KCND3: variants seen among roughly 807,000 people sequenced by gnomAD.
The protein encoded by KCND3 is A-type voltage-gated potassium channel KCND3.
A neutral mutation model predicts 51.1 loss-of-function variants in KCND3; 9 were observed. The observed-to-expected ratio is 0.18, with a 90% CI of 0.11 to 0.31. The LOEUF is 0.31. KCND3 is among the 10% of genes least tolerant of loss of function. The pLI, the probability that KCND3 is intolerant of heterozygous loss-of-function variation, is 1.00. For missense variants in KCND3, 526 were observed against 903.8 expected (o/e 0.58, Z 5.36); for synonymous variants, 349 against 368.0 (o/e 0.95, Z 0.59).
chr1:111,917,392 G>A (rs1571847557), intron 2 of KCND3, among the ~76,000 whole-genome samples: 1 of 152,344 alleles, frequency 6.6e-6, no homozygotes, highest in South Asian at 2.1e-4. Flanking sequence ...TGCACTGCAA[G>A]TATGTGGAGT....
intron 2 of KCND3, among the ~76,000 whole-genome samples, chr1:111,880,340 T>TGACAACTGCTGCTGGAGGAGG (rs1199425761): frequency 6.6e-6 from 1 of 152,168 alleles, no homozygotes. Context: ...GGTTATAAAC[T>TGACAACTGCTGCTGGAGGAGG]GACAACTGCT....
chr1:111,891,341 C>T (rs779380936), intron 2 of KCND3, among the ~76,000 whole-genome samples: 1 of 152,070 alleles, frequency 6.6e-6, no homozygotes, highest in Non-Finnish European at 1.5e-5. Flanking sequence ...AGTCTGTTTG[C>T]AGGGAAGTAG....
chr1:111,826,914 T>G (rs1308288464), intron 2 of KCND3, among the ~76,000 whole-genome samples: 1 of 152,194 alleles, frequency 6.6e-6, no homozygotes, highest in Non-Finnish European at 1.5e-5. Flanking sequence ...TCCAAAAGGC[T>G]TGGGACCAGA....
chr1:111,830,957 T>TA (rs1322896802), intron 2 of KCND3, among the ~76,000 whole-genome samples: 3 of 152,236 alleles, frequency 2.0e-5, no homozygotes, highest in Admixed American at 2.0e-4. Context: ...ACTGCTTTGT[T>TA]AAACTAGACA....
At chr1:111,899,626 A>G (rs565839442) in intron 2 of KCND3, among the ~76,000 whole-genome samples, 32 of 152,236 alleles carry the variant, frequency 2.1e-4, no homozygotes, top group Admixed American at 2.0e-4. Flanking sequence ...ACTCTAGACC[A>G]CCCCTTAAAA....
At chr1:111,954,372 C>T (rs939170581) in intron 2 of KCND3, among the ~76,000 whole-genome samples, 50 of 152,196 alleles carry the variant, frequency 3.3e-4, no homozygotes, top group African/African-American at 1.1e-3. Flanking sequence ...GGATAGGAGA[C>T]ACCCAACTCT....
At chr1:111,855,537 TC>T in intron 2 of KCND3, among the ~76,000 whole-genome samples, 1 of 152,322 alleles carries the variant, frequency 6.6e-6, no homozygotes, top group Admixed American at 6.5e-5. Context: ...GAGGGGATCT[TC>T]CGATAGCAAG....
chr1:111,823,348 C>CA (rs1666431599), intron 2 of KCND3, among the ~76,000 whole-genome samples: 2 of 152,108 alleles, frequency 1.3e-5, no homozygotes, highest in Admixed American at 1.3e-4. Flanking sequence ...CCAAAGCCCT[C>CA]ACGGGCCCTC....
intron 2 of KCND3, among the ~76,000 whole-genome samples, chr1:111,901,651 G>T (rs1456968832): frequency 6.6e-6 from 1 of 152,206 alleles, no homozygotes; most frequent in East Asian, 1.9e-4. Flanking sequence ...CACCTCTGTA[G>T]GCGGTGGGGA....
intron 2 of KCND3, among the ~76,000 whole-genome samples, chr1:111,830,175 A>G (rs1478133454): frequency 1.3e-5 from 2 of 152,218 alleles, no homozygotes. Context: ...TGCCCAGCAC[A>G]CAATAGGAGC....
intron 2 of KCND3, among the ~76,000 whole-genome samples, chr1:111,918,537 C>T (rs1671332803): frequency 6.6e-6 from 1 of 152,076 alleles, no homozygotes; most frequent in Admixed American, 6.5e-5. Context: ...ACATAGAGAC[C>T]CTCCATAGCT....
chr1:111,967,255 C>G (rs1674058055), intron 2 of KCND3, among the ~76,000 whole-genome samples: 1 of 151,994 alleles, frequency 6.6e-6, no homozygotes, highest in African/African-American at 2.4e-5. Flanking sequence ...GGGGAGGGTG[C>G]TGAAGACAGC....
At chr1:111,872,419 T>C (rs929182277) in intron 2 of KCND3, among the ~76,000 whole-genome samples, 1 of 152,254 alleles carries the variant, frequency 6.6e-6, no homozygotes, top group Non-Finnish European at 1.5e-5. Flanking sequence ...TCCAATGTTT[T>C]CTAAATTTAT....
chr1:111,892,557 G>A (rs1669880224), intron 2 of KCND3, among the ~76,000 whole-genome samples: 2 of 152,182 alleles, frequency 1.3e-5, no homozygotes, highest in African/African-American at 4.8e-5. Flanking sequence ...AGGCAGCTGT[G>A]AACAAGACAG....
chr1:111,892,648 A>G (rs116340773), intron 2 of KCND3, among the ~76,000 whole-genome samples: 1,668 of 152,354 alleles, frequency 0.011, 15 homozygotes, highest in Middle Eastern at 0.014. Context: ...TACATGAAAG[A>G]TAATATAGTG....
At chr1:111,926,614 G>A (rs1335938208) in intron 2 of KCND3, among the ~76,000 whole-genome samples, 1 of 152,262 alleles carries the variant, frequency 6.6e-6, no homozygotes, top group Non-Finnish European at 1.5e-5. Flanking sequence ...GAACACTGAG[G>A]CTAGAGTGGG....
At chr1:111,830,098 T>G (rs1353373542) in intron 2 of KCND3, among the ~76,000 whole-genome samples, 1 of 152,242 alleles carries the variant, frequency 6.6e-6, no homozygotes, top group Non-Finnish European at 1.5e-5. Context: ...CTATATTCAT[T>G]TATTATCTGC....
At chr1:111,791,440 A>G (rs773899838) in intron 2 of KCND3, among the ~76,000 whole-genome samples, 3 of 152,194 alleles carry the variant, frequency 2.0e-5, no homozygotes, top group Non-Finnish European at 4.4e-5. Flanking sequence ...GGGGAGGAAG[A>G]AGGCTGGCAC....
At chr1:111,984,251 C>CT (rs1675136590) in intron 1 of KCND3, among the ~76,000 whole-genome samples, 1 of 152,212 alleles carries the variant, frequency 6.6e-6, no homozygotes, top group Admixed American at 6.5e-5. Flanking sequence ...ACTCCCAACT[C>CT]TTTGAGTTTT....
Sources: gnomAD v4.1 joint callset for allele counts (sites outside exome capture counted in the v4.1 genomes callset) on GRCh38, gnomAD v4.1.1 for gene constraint, MANE v1.5 for transcripts, NCBI Gene and HGNC (gene_info 2026-07-23, HGNC 2026-07-21) for gene names.